Variants in CCDC85A observed in about 807,000 individuals in gnomAD.
CCDC85A encodes coiled-coil domain-containing protein 85A.
CCDC85A carries 38 observed loss-of-function variants against 50.2 expected under a neutral mutation model. The ratio of observed to expected loss-of-function variants is 0.76; its 90% confidence interval spans 0.58 to 0.99. The LOEUF is 0.99. CCDC85A is among the 50% of genes least tolerant of loss of function. CCDC85A has a pLI of 0.00. For synonymous variants in CCDC85A, 366 were observed against 301.4 expected (o/e 1.21, Z -2.22); for missense variants, 820 against 742.0 (o/e 1.11, Z -1.22).
chr2:56,353,218 A>G (rs559893016), intron 3 of CCDC85A, among the ~76,000 whole-genome samples: 1 of 152,228 alleles, frequency 6.6e-6, no homozygotes, highest in Non-Finnish European at 1.5e-5. Flanking sequence ...ACCATATCAG[A>G]TATACAGATA....
intron 3 of CCDC85A, among the ~76,000 whole-genome samples, chr2:56,367,407 T>G (rs745920431): frequency 6.6e-6 from 1 of 152,212 alleles, no homozygotes; most frequent in Admixed American, 6.6e-5. Flanking sequence ...CTCCAAATCC[T>G]GTGGGCAACA....
intron 2 of CCDC85A, among the ~76,000 whole-genome samples, chr2:56,238,701 T>C (rs1360607360): frequency 1.3e-5 from 2 of 152,176 alleles, no homozygotes; most frequent in Non-Finnish European, 2.9e-5. Flanking sequence ...TGAGATTCTT[T>C]CTTGCCAAGG....
At chr2:56,223,219 T>C (rs1668403059) in intron 2 of CCDC85A, among the ~76,000 whole-genome samples, 1 of 152,168 alleles carries the variant, frequency 6.6e-6, no homozygotes, top group African/African-American at 2.4e-5. Context: ...GTTAAAAAGC[T>C]GAATCAGTCA....
intron 2 of CCDC85A, among the ~76,000 whole-genome samples, chr2:56,329,060 G>A (rs1053096143): frequency 1.3e-5 from 2 of 152,116 alleles, no homozygotes; most frequent in Non-Finnish European, 2.9e-5. Context: ...CCTGGGACTT[G>A]TCTCCTTTCC....
intron 2 of CCDC85A, among the ~76,000 whole-genome samples, chr2:56,291,899 G>T (rs13384837): frequency 0.16 from 24,678 of 151,600 alleles, 2,552 homozygotes; most frequent in African/African-American, 0.27. Flanking sequence ...AGAGAGCCCA[G>T]TGGGAGGCTG....
chr2:56,321,624 T>C (rs1157746694), intron 2 of CCDC85A, among the ~76,000 whole-genome samples: 1 of 152,154 alleles, frequency 6.6e-6, no homozygotes, highest in East Asian at 1.9e-4. Context: ...TACAAACCAC[T>C]GTGCAGTGAA....
At chr2:56,337,854 C>T (rs1039468051) in intron 2 of CCDC85A, among the ~76,000 whole-genome samples, 9 of 151,520 alleles carry the variant, frequency 5.9e-5, no homozygotes, top group East Asian at 1.9e-4. Context: ...GCACGATCTC[C>T]GCTCACTGCA....
intron 2 of CCDC85A, among the ~76,000 whole-genome samples, chr2:56,201,109 CACACACACACACACACGTACAT>C (rs1246260142): frequency 3.3e-5 from 5 of 151,526 alleles, no homozygotes; most frequent in African/African-American, 1.2e-4. Context: ...CACACACACA[CACACACACACACACACGTACAT>C]ACACACAGCA....
At chr2:56,381,575 A>G (rs1463612861) in intron 5 of CCDC85A, among the ~76,000 whole-genome samples, 1 of 152,090 alleles carries the variant, frequency 6.6e-6, no homozygotes, top group African/African-American at 2.4e-5. Flanking sequence ...AAATTAAGTT[A>G]CTTGCTCGAA....
chr2:56,282,413 G>A (rs1671245886), intron 2 of CCDC85A, among the ~76,000 whole-genome samples: 1 of 152,130 alleles, frequency 6.6e-6, no homozygotes, highest in African/African-American at 2.4e-5. Flanking sequence ...TAAAGTAATT[G>A]TATCAATTTC....
intron 2 of CCDC85A, among the ~76,000 whole-genome samples, chr2:56,214,554 C>A (rs1401125088): frequency 6.6e-6 from 1 of 151,784 alleles, no homozygotes; most frequent in Non-Finnish European, 1.5e-5. Context: ...GATATAAGGT[C>A]AGTATCTACA....
At chr2:56,307,869 C>T (rs1389122498) in intron 2 of CCDC85A, among the ~76,000 whole-genome samples, 1 of 152,188 alleles carries the variant, frequency 6.6e-6, no homozygotes, top group African/African-American at 2.4e-5. Flanking sequence ...GTGCTTCGAG[C>T]AGTGTCTTTT....
chr2:56,357,863 G>A (rs1164743610), intron 3 of CCDC85A, among the ~76,000 whole-genome samples: 1 of 152,038 alleles, frequency 6.6e-6, no homozygotes, highest in East Asian at 1.9e-4. Flanking sequence ...TTCCAACCTG[G>A]TGCTTTGTTT....
intron 2 of CCDC85A, among the ~76,000 whole-genome samples, chr2:56,338,189 ATTCTGAAATCTCAGTT>A (rs1418537889): frequency 1.3e-5 from 2 of 152,206 alleles, no homozygotes; most frequent in African/African-American, 4.8e-5. Context: ...CAAAAATGGC[ATTCTGAAATCTCAGTT>A]TTATGAAGCT....
chr2:56,249,664 G>A (rs1669668370), intron 2 of CCDC85A, among the ~76,000 whole-genome samples: 1 of 152,212 alleles, frequency 6.6e-6, no homozygotes, highest in Non-Finnish European at 1.5e-5. Context: ...TCACGAAGTA[G>A]CTTTTATCAA....
chr2:56,347,647 C>A (rs1313915549), intron 3 of CCDC85A, among the ~76,000 whole-genome samples: 2 of 152,152 alleles, frequency 1.3e-5, no homozygotes, highest in African/African-American at 4.8e-5. Flanking sequence ...CAAATTCCCA[C>A]CCCTGCATGG....
chr2:56,342,543 A>G (rs904429114), intron 2 of CCDC85A, among the ~76,000 whole-genome samples: 5 of 152,140 alleles, frequency 3.3e-5, no homozygotes, highest in Admixed American at 2.0e-4. Flanking sequence ...TCCACTTCTG[A>G]CAAATATTTT....
At chr2:56,368,180 A>C (rs1174997041) in intron 3 of CCDC85A, among the ~76,000 whole-genome samples, 1 of 152,186 alleles carries the variant, frequency 6.6e-6, no homozygotes, top group Non-Finnish European at 1.5e-5. Flanking sequence ...CCAGGAAATT[A>C]CTTATTATTT....
At chr2:56,373,308 C>A (rs888810316) in intron 4 of CCDC85A, among the ~76,000 whole-genome samples, 2 of 151,624 alleles carry the variant, frequency 1.3e-5, no homozygotes, top group Non-Finnish European at 2.9e-5. Context: ...TGATGAATTT[C>A]CCCCCACTGT....
Sources: allele counts gnomAD v4.1 joint callset (sites outside exome capture counted in the v4.1 genomes callset), GRCh38; gene constraint gnomAD v4.1.1; transcripts MANE v1.5; gene names NCBI Gene and HGNC (gene_info 2026-07-23, HGNC 2026-07-21).